Variants in VBP1 observed in about 807,000 individuals in gnomAD.
The protein encoded by VBP1 is VHL binding protein 1, also known as prefoldin subunit 3.
Under a neutral mutation model 15.5 loss-of-function variants are expected in VBP1, and 4 were observed. That is an observed-to-expected ratio of 0.26 (90% CI 0.13 to 0.59). The LOEUF (loss-of-function observed/expected upper bound fraction) is 0.59, where lower values mean the gene tolerates loss of function less well. VBP1 is among the 20% of genes least tolerant of loss of function. The probability of loss-of-function intolerance (pLI) is 0.90; values close to 1 mark genes in which losing one functional copy is unlikely to be tolerated. For missense variants in VBP1, 108 were observed against 139.6 expected (o/e 0.77, Z 1.14); for synonymous variants, 61 against 52.1 (o/e 1.17, Z -0.74).
intron 2 of VBP1, among the ~76,000 whole-genome samples, chrX:155,209,846 A>G (rs1304221079): frequency 8.9e-6 from 1 of 111,938 alleles, no homozygotes; most frequent in Non-Finnish European, 1.9e-5. Flanking sequence ...ACTACAAATA[A>G]AAATATGTAT....
Position 155,220,271 on chromosome X carries a change from A to G in VBP1, c.182A>G (p.Lys61Arg). 8.4e-7 allele frequency: 1 copy of G among 1,186,922 alleles called. No homozygotes were observed. The highest frequency in any genetic ancestry group is 1.1e-6 in the Non-Finnish European group (1 of 884,371). The change falls in exon 2 of 6, where the codon AAG becomes AGG. Residue 61 changes from lysine to arginine, a missense_variant. Coordinates refer to ENST00000286428, the MANE Select transcript of VBP1 (RefSeq NM_003372.7). The stretch of plus-strand genomic sequence containing the variant: ...CTGGATGAACAGTACCAGAAGTATA[A>G]GTTTATGGAACTCAACCTTGCTCAA... ...KKLDEQYQKY[K>R]FMELNLAQKK...
intron 1 of VBP1, among the ~76,000 whole-genome samples, chrX:155,216,841 A>C (rs1377304501): frequency 8.9e-6 from 1 of 112,278 alleles, no homozygotes; most frequent in Non-Finnish European, 1.9e-5. Context: ...GGCGGGTGGC[A>C]GGGCAGGGCG....
At chrX:155,231,748 T>C (rs1313000578) in intron 4 of VBP1, among the ~76,000 whole-genome samples, 7 of 112,472 alleles carry the variant, frequency 6.2e-5, no homozygotes, top group African/African-American at 2.3e-4. Flanking sequence ...AGCACAGATG[T>C]CTTTATTTGT....
chrX:155,203,341 C>T (rs1241890848), intron 1 of VBP1, among the ~76,000 whole-genome samples: 2 of 110,462 alleles, frequency 1.8e-5, no homozygotes, highest in Non-Finnish European at 3.8e-5. Context: ...TTCACAATAG[C>T]GAAGACTTGG....
chrX:155,226,676 G>A (rs1168732695), intron 2 of VBP1, among the ~76,000 whole-genome samples: 2 of 112,315 alleles, frequency 1.8e-5, no homozygotes, highest in Non-Finnish European at 3.8e-5. Flanking sequence ...TGACTGTGAT[G>A]TACATGTGTG....
chrX:155,208,531 T>C (rs1488599877), intron 1 of VBP1, among the ~76,000 whole-genome samples: 5 of 112,333 alleles, frequency 4.5e-5, no homozygotes, highest in African/African-American at 1.6e-4. Context: ...TCCTTTCTTT[T>C]TCCTATGAGT....
intron 2 of VBP1, among the ~76,000 whole-genome samples, chrX:155,210,335 T>G (rs782340118): frequency 1.8e-5 from 2 of 111,560 alleles, no homozygotes; most frequent in South Asian, 7.5e-4. Flanking sequence ...GCACCCATAC[T>G]CCTAGCCACT....
intron 2 of VBP1, among the ~76,000 whole-genome samples, chrX:155,223,898 G>A (rs1348217586): frequency 2.8e-5 from 3 of 108,906 alleles, no homozygotes; most frequent in East Asian, 2.9e-4. Flanking sequence ...GGCGGCTGCC[G>A]GGCGGAGGGG....
intron 1 of VBP1, among the ~76,000 whole-genome samples, chrX:155,202,228 A>G (rs1451255634): frequency 2.7e-5 from 3 of 111,942 alleles, no homozygotes; most frequent in African/African-American, 9.7e-5. Flanking sequence ...TCAAGCTACC[A>G]ATGACTTTCT....
intron 2 of VBP1, among the ~76,000 whole-genome samples, chrX:155,224,042 TG>T (rs1403309785): frequency 1.1e-5 from 1 of 92,260 alleles, no homozygotes; most frequent in Non-Finnish European, 2.2e-5. Flanking sequence ...TCTCAGAGGA[TG>T]GGCGGCCGGG....
At chrX:155,219,607 G>T (rs1440191901) in intron 1 of VBP1, among the ~76,000 whole-genome samples, 20 of 111,699 alleles carry the variant, frequency 1.8e-4, no homozygotes, top group African/African-American at 6.2e-4. Flanking sequence ...ATCATTTTGT[G>T]AATAGGATGC....
intron 4 of VBP1, among the ~76,000 whole-genome samples, chrX:155,234,489 A>G (rs899370536): frequency 1.9e-4 from 21 of 111,151 alleles, no homozygotes; most frequent in African/African-American, 5.9e-4. Context: ...AAGCTAGACA[A>G]CATTACTATT....
upstream of VBP1, among the ~76,000 whole-genome samples, chrX:155,215,847 A>T (rs1338686380): frequency 8.9e-6 from 1 of 112,119 alleles, no homozygotes. Flanking sequence ...AGGATTTTGT[A>T]TGTAGACTAT....
In VBP1 at chrX:155,239,514, A is replaced by T. The variant is rs1311119755; in HGVS notation, c.*672A>T. 3.6e-5 allele frequency: 4 copies of T among 111,717 alleles called. No homozygotes were observed. The highest frequency in any genetic ancestry group is 6.5e-5 in the African/African-American group (2 of 30,676). 9.2% of individuals were successfully genotyped at this position (111,717 alleles called of 1,213,427 possible). A position where few individuals can be genotyped will look rare whatever the true frequency, so the allele number is the denominator to read the frequency against. ...CGTGAAATAAAATTACTCATTCAAA[A>T]CTCTGCCTAAGGTGATTTTGTAGTT... On this transcript the variant is annotated 3_prime_UTR_variant, in exon 6 of 6. Coordinates refer to ENST00000286428, the MANE Select transcript of VBP1 (RefSeq NM_003372.7).
At chrX:155,208,798 C>T (rs1179910760) in intron 1 of VBP1, 18 of 591,375 alleles carry the variant, frequency 3.0e-5, no homozygotes, top group Non-Finnish European at 4.6e-5. Context: ...TACTTGTTCT[C>T]ATGGTACTAT....
intron 1 of VBP1, among the ~76,000 whole-genome samples, chrX:155,206,599 A>C (rs1194539499): frequency 9.0e-6 from 1 of 110,671 alleles, no homozygotes. Context: ...GAGAGGGAAT[A>C]ATCAGTGCAA....
intron 4 of VBP1, among the ~76,000 whole-genome samples, chrX:155,229,542 C>G (rs1479090832): frequency 8.9e-6 from 1 of 111,952 alleles, no homozygotes; most frequent in Non-Finnish European, 1.9e-5. Context: ...TTCAGTTATT[C>G]GATGTGTTTC....
chrX:155,229,080 G>A (rs1235620845), intron 4 of VBP1, among the ~76,000 whole-genome samples: 7 of 111,737 alleles, frequency 6.3e-5, no homozygotes, highest in Non-Finnish European at 1.1e-4. Context: ...CTCATACAAA[G>A]TAGCAAGCCA....
intron 4 of VBP1, among the ~76,000 whole-genome samples, chrX:155,232,280 A>G (rs1557310993): frequency 9.4e-6 from 1 of 105,926 alleles, no homozygotes; most frequent in Non-Finnish European, 1.9e-5. Context: ...TGTATTTCGG[A>G]TGCACAGTCT....
Sources: gnomAD v4.1 joint callset for allele counts (sites outside exome capture counted in the v4.1 genomes callset) on GRCh38, gnomAD v4.1.1 for gene constraint, MANE v1.5 for transcripts, NCBI Gene and HGNC (gene_info 2026-07-23, HGNC 2026-07-21) for gene names.